Variants in ART3 observed in about 807,000 individuals in gnomAD.
ART3 encodes the protein ecto-ADP-ribosyltransferase 3.
In ART3, 49 loss-of-function variants were observed where a neutral mutation model predicts 48.5. The ratio of observed to expected loss-of-function variants is 1.01; its 90% CI spans 0.80 to 1.28. ART3 has a LOEUF of 1.28. Ranked by LOEUF, ART3 falls within the 50% of genes most tolerant of loss-of-function variation. The pLI is 0.00. For missense variants in ART3, 438 were observed against 454.3 expected (o/e 0.96, Z 0.33); for synonymous variants, 145 against 157.2 (o/e 0.92, Z 0.58).
At position 76,074,779 on chromosome 4, in the gene ART3, C is replaced by G. The variant is rs1411735124; in HGVS notation, c.-50C>G. The G allele has an allele frequency of 6.6e-6, 1 of 152,156 alleles. No homozygotes were observed. The highest frequency in any genetic ancestry group is 1.5e-5 in the Non-Finnish European group (1 of 68,024). The allele number at this position is 152,156 out of a possible 1,614,324, so 9.4% of individuals were successfully genotyped here. On this transcript the variant is annotated 5_prime_UTR_variant, in exon 1 of 12. Transcript: ENST00000355810. The stretch of plus-strand genomic sequence containing the variant: ...CTGAGAGTGGGGAGTCAGTTTGAGG[C>G]CTAGCATCACTTAAACTTCCTCCAA...
At chr4:76,067,965 C>A (rs771724284) in intron 1 of ART3, among the ~76,000 whole-genome samples, 13 of 152,066 alleles carry the variant, frequency 8.5e-5, no homozygotes, top group Admixed American at 2.0e-4. Context: ...AATATAAATA[C>A]CTTGTATTTA....
upstream of ART3, among the ~76,000 whole-genome samples, chr4:76,070,762 A>G (rs963120674): frequency 6.6e-6 from 1 of 152,144 alleles, no homozygotes; most frequent in Admixed American, 6.6e-5. Flanking sequence ...CACTTAAACC[A>G]TCATCTTTTG....
At chr4:76,037,781 A>T (rs568305063) in intron 1 of ART3, among the ~76,000 whole-genome samples, 1 of 152,332 alleles carries the variant, frequency 6.6e-6, no homozygotes, top group South Asian at 2.1e-4. Context: ...TAACATGAGA[A>T]AATCACTGTA....
chr4:76,105,898 G>T, intron 10 of ART3: 1 of 985,360 alleles, frequency 1.0e-6, no homozygotes, highest in Non-Finnish European at 1.2e-6. Flanking sequence ...TGTGAATGAG[G>T]ACTGTGCAGC....
chr4:76,024,634 T>C (rs190676371), intron 1 of ART3, among the ~76,000 whole-genome samples: 1 of 152,252 alleles, frequency 6.6e-6, no homozygotes, highest in East Asian at 1.9e-4. Flanking sequence ...TGGTCCTTGG[T>C]TGTGTTCTTT....
chr4:76,054,453 T>G (rs1718484600), intron 1 of ART3, among the ~76,000 whole-genome samples: 1 of 152,174 alleles, frequency 6.6e-6, no homozygotes, highest in Non-Finnish European at 1.5e-5. Flanking sequence ...ACAGGAAAGA[T>G]GTTTTTTGTT....
chr4:76,019,989 G>T (rs976034382), intron 1 of ART3, among the ~76,000 whole-genome samples: 3 of 152,116 alleles, frequency 2.0e-5, no homozygotes, highest in African/African-American at 7.2e-5. Context: ...CAGTTTAGTG[G>T]TGTGAAATGT....
intron 3 of ART3, among the ~76,000 whole-genome samples, chr4:76,091,822 C>T (rs1724973100): frequency 6.6e-6 from 1 of 151,938 alleles, no homozygotes; most frequent in Non-Finnish European, 1.5e-5. Flanking sequence ...GCTGGGACTA[C>T]AGGCATGTGC....
At chr4:76,014,646 A>G (rs1426476118) in intron 1 of ART3, among the ~76,000 whole-genome samples, 1 of 152,202 alleles carries the variant, frequency 6.6e-6, no homozygotes, top group African/African-American at 2.4e-5. Flanking sequence ...AGAAGTAATG[A>G]CTGAAAACTA....
Position 76,043,666 on chromosome 4 carries a change from T to C in ART3, c.-9-32215T>C, listed in dbSNP as rs1276094226. Among the ~76,000 whole-genome samples the C allele has an allele frequency of 4.6e-5, 7 of 151,852 alleles. No homozygotes were observed. In the South Asian group the frequency reaches 1.3e-3, roughly 27 times the overall value. On this transcript the variant is annotated intron_variant, in intron 1 of 9. Transcript: ENST00000341029. ...CAGCCCTGGTTCCCACTGGCGCCTG[T>C]CCCTCCACACCTCCCTGCAAGCTGA...
chr4:76,100,851 G>T, intron 7 of ART3, 27 bp downstream of exon 7: 1 of 1,609,624 alleles, frequency 6.2e-7, no homozygotes, highest in Non-Finnish European at 8.5e-7. Flanking sequence ...AAATTCTGGG[G>T]GCTTACATTT....
intron 3 of ART3, among the ~76,000 whole-genome samples, chr4:76,091,106 G>C (rs567702547): frequency 2.0e-5 from 3 of 152,348 alleles, no homozygotes; most frequent in African/African-American, 7.2e-5. Context: ...TGCTGTTGTA[G>C]AATAGTGGAT....
chr4:76,041,730 CAT>C (rs370848890), intron 1 of ART3, among the ~76,000 whole-genome samples: 1 of 152,108 alleles, frequency 6.6e-6, no homozygotes, highest in Non-Finnish European at 1.5e-5. Context: ...TTGATAATAA[CAT>C]GTGTTTAGTG....
chr4:76,085,731 A>G (rs1188222861), intron 3 of ART3, among the ~76,000 whole-genome samples: 9 of 152,238 alleles, frequency 5.9e-5, no homozygotes, highest in Admixed American at 3.3e-4. Context: ...TGGTGCAGCC[A>G]TTATGGAAAA....
intron 1 of ART3, among the ~76,000 whole-genome samples, chr4:76,067,829 T>C (rs190432248): frequency 1.3e-4 from 20 of 152,356 alleles, no homozygotes; most frequent in African/African-American, 4.3e-4. Context: ...TGAAGAAATA[T>C]CTTGTTCTGG....
chr4:76,065,827 A>C (rs1343246112), intron 1 of ART3, among the ~76,000 whole-genome samples: 1 of 151,960 alleles, frequency 6.6e-6, no homozygotes, highest in Non-Finnish European at 1.5e-5. Flanking sequence ...TAGGGATAAT[A>C]CGCATTATTT....
intron 2 of ART3, 49 bp from the exon 3 acceptor site, chr4:76,081,775 T>G (rs771783336): frequency 2.6e-6 from 4 of 1,534,870 alleles, no homozygotes; most frequent in Non-Finnish European, 3.5e-6. Context: ...GAAAATGATA[T>G]TCACTGAATT....
intron 9 of ART3, chr4:76,104,213 G>C (rs1704842792): frequency 2.0e-6 from 1 of 492,968 alleles, no homozygotes; most frequent in South Asian, 8.6e-5. Flanking sequence ...TGTTGCTGAG[G>C]GGAAGGCTCC....
intron 2 of ART3, among the ~76,000 whole-genome samples, chr4:76,076,928 C>A (rs765049184): frequency 6.7e-6 from 1 of 150,240 alleles, no homozygotes; most frequent in Non-Finnish European, 1.5e-5. Context: ...ATCTTAAATT[C>A]TTAAACTGTT....
Sources: gnomAD v4.1 joint callset for allele counts (sites outside exome capture counted in the v4.1 genomes callset) on GRCh38, gnomAD v4.1.1 for gene constraint, MANE v1.5 for transcripts, NCBI Gene and HGNC (gene_info 2026-07-23, HGNC 2026-07-21) for gene names.